LRP2: variants seen among roughly 807,000 people sequenced by gnomAD.
LRP2 encodes low-density lipoprotein receptor-related protein 2.
LRP2 carries 172 observed loss-of-function variants against 531.0 expected under a neutral mutation model. That is an observed-to-expected ratio of 0.32 (90% CI 0.29 to 0.37). The LOEUF (loss-of-function observed/expected upper bound fraction) is 0.37. Among genes scored for constraint, LRP2 ranks in the 10% least tolerant of loss-of-function variants. LRP2 has a pLI of 1.00. For missense variants in LRP2, 5,167 were observed against 5,868.3 expected (o/e 0.88, Z 3.90); for synonymous variants, 1,992 against 2,027.6 (o/e 0.98, Z 0.47).
At chr2:169,334,298 TACTA>T (rs2105544377) in intron 1 of LRP2, among the ~76,000 whole-genome samples, 1 of 152,304 alleles carries the variant, frequency 6.6e-6, no homozygotes, top group Admixed American at 6.5e-5. Context: ...ATAAAATCTC[TACTA>T]ACTGACACAC....
chr2:169,185,201 T>C (rs1559002272), intron 50 of LRP2, among the ~76,000 whole-genome samples: 1 of 152,198 alleles, frequency 6.6e-6, no homozygotes, highest in South Asian at 2.1e-4. Flanking sequence ...AATGCACCAA[T>C]GAATGCATGA....
chr2:169,239,589 A>G lies in LRP2; in HGVS notation c.4232T>C (p.Phe1411Ser). 6.2e-7 allele frequency: 1 copy of G among 1,614,122 alleles called. No homozygotes were observed. The highest frequency in any genetic ancestry group is 8.5e-7 in the Non-Finnish European group (1 of 1,179,970). ...SQHCYNMRGSFRCSCDTGYML... is the reference protein window; with the variant it reads ...SQHCYNMRGSSRCSCDTGYML... Reference sequence around the variant, plus strand: ...GTAGCCTGTATCACACGAGCACCGGAAAGAACCTCTCATATTGTAACAGTG... The same window carrying G: ...GTAGCCTGTATCACACGAGCACCGGGAAGAACCTCTCATATTGTAACAGTG... Residue 1411 changes from phenylalanine (F) to serine (S), a missense_variant, in exon 26 of 79, where the codon TTC (phenylalanine) becomes TCC (serine). Phe to Ser is a radical substitution (Grantham distance 155). Transcript: ENST00000649046.
chr2:169,247,112 C>A, intron 20 of LRP2, 126 bp from the exon 21 acceptor site: 1 of 1,187,076 alleles, frequency 8.4e-7, no homozygotes. Flanking sequence ...AAAGTAGCTT[C>A]CTCTTGGAAA....
chr2:169,302,582 G>A (rs1684312186), intron 4 of LRP2, among the ~76,000 whole-genome samples: 1 of 152,134 alleles, frequency 6.6e-6, no homozygotes, highest in Admixed American at 6.6e-5. Flanking sequence ...AGAAAGAACT[G>A]TCCGGTCCCA....
At chr2:169,266,857 T>C (rs1386537622) in intron 16 of LRP2, among the ~76,000 whole-genome samples, 1 of 150,800 alleles carries the variant, frequency 6.6e-6, no homozygotes, top group Non-Finnish European at 1.5e-5. Flanking sequence ...CATTGGTCAT[T>C]GTTAAAATAC....
intron 2 of LRP2, among the ~76,000 whole-genome samples, chr2:169,319,158 A>G (rs1684846436): frequency 6.6e-6 from 1 of 152,260 alleles, no homozygotes; most frequent in South Asian, 2.1e-4. Flanking sequence ...AAAAATTATG[A>G]TAAAGGTATT....
intron 68 of LRP2, 44 bp downstream of exon 68, chr2:169,150,854 C>A: frequency 6.2e-7 from 1 of 1,611,738 alleles, no homozygotes; most frequent in Non-Finnish European, 8.5e-7. Context: ...GATGAGAATC[C>A]AGGGAGAAAT....
At chr2:169,220,291 T>C (rs1688941485) in intron 34 of LRP2, among the ~76,000 whole-genome samples, 163 bp downstream of exon 34, 2 of 152,232 alleles carry the variant, frequency 1.3e-5, no homozygotes, top group South Asian at 4.1e-4. Context: ...ACATTAAATA[T>C]AGGTCAGAGC....
intron 2 of LRP2, among the ~76,000 whole-genome samples, chr2:169,320,431 T>C (rs1239313874): frequency 6.6e-6 from 1 of 152,232 alleles, no homozygotes; most frequent in Non-Finnish European, 1.5e-5. Context: ...TTGTTTGTTC[T>C]TGTGGGTACA....
chr2:169,217,436 G>C (rs1688841337), intron 34 of LRP2, among the ~76,000 whole-genome samples: 1 of 152,018 alleles, frequency 6.6e-6, no homozygotes, highest in African/African-American at 2.4e-5. Flanking sequence ...TATTAAACTT[G>C]TTCTTTGCCC....
intron 16 of LRP2, among the ~76,000 whole-genome samples, chr2:169,268,301 CA>C (rs567896099): frequency 6.6e-6 from 1 of 151,838 alleles, no homozygotes; most frequent in African/African-American, 2.4e-5. Context: ...AGAGACACAA[CA>C]AAAAAAGAGA....
At chr2:169,238,447 C>T in intron 26 of LRP2, 145 bp from the exon 27 acceptor site, 2 of 656,718 alleles carry the variant, frequency 3.0e-6, no homozygotes, top group Non-Finnish European at 5.4e-6. Context: ...GGGAGGAAGC[C>T]CCATATGAAT....
chr2:169,317,828 A>G (rs187884789), intron 3 of LRP2, among the ~76,000 whole-genome samples: 1 of 152,318 alleles, frequency 6.6e-6, no homozygotes, highest in East Asian at 1.9e-4. Context: ...CTATAATCCC[A>G]ACATTTTGGG....
At chr2:169,283,138 A>G in intron 9 of LRP2, 137 bp from the exon 10 acceptor site, 1 of 794,456 alleles carries the variant, frequency 1.3e-6, no homozygotes. Flanking sequence ...AATTAGGCAC[A>G]GGTTCTGAGA....
chr2:169,233,965 C>T (rs553435335), intron 29 of LRP2, among the ~76,000 whole-genome samples: 4 of 152,130 alleles, frequency 2.6e-5, no homozygotes, highest in Non-Finnish European at 4.4e-5. Context: ...CACTCCCACG[C>T]CCCAGCCTTC....
intron 3 of LRP2, among the ~76,000 whole-genome samples, chr2:169,317,481 A>G (rs964788164): frequency 2.6e-5 from 4 of 152,218 alleles, no homozygotes; most frequent in African/African-American, 9.6e-5. Context: ...GGCCAATAGG[A>G]TAAATATGGC....
At chr2:169,236,488 T>C (rs1454658068) in intron 28 of LRP2, among the ~76,000 whole-genome samples, 2 of 152,240 alleles carry the variant, frequency 1.3e-5, no homozygotes, top group Non-Finnish European at 2.9e-5. Flanking sequence ...TGGTGTGTAA[T>C]ACTTTACAAT....
Position 169,294,606 on chromosome 2 carries a change from T to C in LRP2, c.532A>G (p.Asn178Asp). 1.9e-6 allele frequency: 3 copies of C among 1,609,816 alleles called. 1 individual carries two copies. The highest frequency in any genetic ancestry group is 2.5e-6 in the Non-Finnish European group (3 of 1,176,502). The change falls in exon 5 of 79, where the codon AAC (asparagine) becomes GAC (aspartate). Residue 178 changes from asparagine to aspartate, a missense_variant. By Grantham distance (23) the Asn-to-Asp change is conservative. Around this residue, in one of 6 missense-constraint regions of LRP2, gnomAD observed 2,811 missense variants for 3,058.0 expected, o/e 0.92. Transcript: ENST00000649046. ...TCTTGTGCACAATACTTACTGCAGT[T>C]GATTTCATCTGAGGAGTCCCTGCAA... is the stretch of plus-strand genomic sequence containing the variant. Reference protein sequence around the residue: ...VDCRDSSDEINCTEICLHNEF... With the variant: ...VDCRDSSDEIDCTEICLHNEF...
intron 4 of LRP2, among the ~76,000 whole-genome samples, chr2:169,300,599 T>A (rs543673705): frequency 1.3e-5 from 2 of 152,244 alleles, no homozygotes; most frequent in South Asian, 4.1e-4. Flanking sequence ...GATCTTAGGA[T>A]CTTTTTAAAG....
Sources: gnomAD v4.1 joint callset for allele counts (sites outside exome capture counted in the v4.1 genomes callset) on GRCh38, gnomAD v4.1.1 for gene constraint, gnomAD v4.1.1 regional missense constraint, MANE v1.5 for transcripts, NCBI Gene and HGNC (gene_info 2026-07-23, HGNC 2026-07-21) for gene names.